SLC9B1: variants seen among roughly 807,000 people sequenced by gnomAD.
SLC9B1 encodes solute carrier family 9 member B1, also known as sodium/hydrogen exchanger 9B1.
SLC9B1 carries 32 observed loss-of-function variants against 51.7 expected under a neutral mutation model. The ratio of observed to expected loss-of-function variants is 0.62; its 90% CI spans 0.47 to 0.83. The LOEUF (loss-of-function observed/expected upper bound fraction) is 0.83. SLC9B1 is among the 40% of genes least tolerant of loss of function. The probability of loss-of-function intolerance (pLI) is 0.00; values close to 1 mark genes in which losing one functional copy is unlikely to be tolerated. For synonymous variants in SLC9B1, 145 were observed against 212.7 expected (o/e 0.68, Z 2.77); for missense variants, 406 against 613.2 (o/e 0.66, Z 3.57).
At chr4:102,924,878 T>C (rs1234447589) in intron 7 of SLC9B1, among the ~76,000 whole-genome samples, 1 of 152,144 alleles carries the variant, frequency 6.6e-6, no homozygotes, top group Non-Finnish European at 1.5e-5. Flanking sequence ...CCAATTAGAA[T>C]GGTGATCATT....
At chr4:102,985,471 A>G (rs1252696080) in intron 3 of SLC9B1, among the ~76,000 whole-genome samples, 1 of 151,850 alleles carries the variant, frequency 6.6e-6, no homozygotes, top group South Asian at 2.1e-4. Context: ...CTTCTTTATA[A>G]ATTTTTGTAA....
chr4:102,982,876 T>C (rs1429374006), intron 3 of SLC9B1, among the ~76,000 whole-genome samples: 2 of 152,152 alleles, frequency 1.3e-5, no homozygotes, highest in African/African-American at 2.4e-5. Context: ...ACCTTTTATT[T>C]ACTTTCCTTG....
intron 5 of SLC9B1, among the ~76,000 whole-genome samples, chr4:102,945,728 A>G (rs1478743819): frequency 1.3e-5 from 2 of 152,064 alleles, no homozygotes; most frequent in Non-Finnish European, 2.9e-5. Flanking sequence ...TAACTTAAAA[A>G]CTGCATAATT....
chr4:102,960,696 A>G (rs1738060396), intron 3 of SLC9B1, among the ~76,000 whole-genome samples: 4 of 152,042 alleles, frequency 2.6e-5, no homozygotes, highest in Non-Finnish European at 5.9e-5. Context: ...AGTTCTACTA[A>G]TAAGAAATTT....
intron 3 of SLC9B1, among the ~76,000 whole-genome samples, chr4:102,975,590 T>TTTTTC (rs1739027274): frequency 8.7e-6 from 1 of 114,552 alleles, no homozygotes; most frequent in African/African-American, 3.6e-5. Flanking sequence ...ATATATATTT[T>TTTTTC]TTTTTTTTTT....
intron 8 of SLC9B1, 85 bp downstream of exon 8, chr4:102,911,346 T>G: frequency 1.1e-6 from 1 of 894,874 alleles, no homozygotes; most frequent in South Asian, 1.7e-5. Flanking sequence ...GAATTAAGTA[T>G]TAAATTTCAT....
At chr4:102,918,854 G>C (rs1735718962) in intron 7 of SLC9B1, among the ~76,000 whole-genome samples, 1 of 152,144 alleles carries the variant, frequency 6.6e-6, no homozygotes, top group Non-Finnish European at 1.5e-5. Context: ...TATAGCAGCA[G>C]GAATGGACTA....
At position 102,989,841 on chromosome 4, in the gene SLC9B1, G is replaced by T. The variant is rs1294264954; in HGVS notation, c.170C>A (p.Ser57Tyr). 3.7e-6 allele frequency: 6 copies of T among 1,600,872 alleles called. No homozygotes were observed. The African/African-American group carries it at 8.1e-5, about 21-fold the overall frequency. ...KPQTKKETYI[S>Y]CPLRGVLNVI... ...ATTCAATACTCCTCTTAGAGGACAAGAAATGTATGTCTCCTTTTTTGTCTG... is the reference window on the plus strand; with the variant it reads ...ATTCAATACTCCTCTTAGAGGACAATAAATGTATGTCTCCTTTTTTGTCTG... The change falls in exon 3 of 12, where the codon TCT becomes TAT. Residue 57 changes from serine (S) to tyrosine (Y), a missense_variant. Ser to Tyr is a moderately radical substitution (Grantham distance 144). This residue lies in a region of SLC9B1 where 108 missense variants were observed against 94.5 expected (regional missense o/e 1.14). Coordinates refer to ENST00000296422, the MANE Select transcript of SLC9B1 (RefSeq NM_139173.4).
chr4:102,988,082 A>C (rs925525951), intron 3 of SLC9B1, among the ~76,000 whole-genome samples: 6 of 152,198 alleles, frequency 3.9e-5, no homozygotes, highest in Non-Finnish European at 7.4e-5. Flanking sequence ...ATAAAATTTT[A>C]ATGGAGAAGT....
At position 102,901,084 on chromosome 4, in the gene SLC9B1, A is replaced by C. The variant is rs755350057; in HGVS notation, c.*33T>G. On this transcript the variant is annotated 3_prime_UTR_variant, in exon 12 of 12. Coordinates refer to ENST00000296422, the MANE Select transcript of SLC9B1 (RefSeq NM_139173.4). Reference sequence around the variant, plus strand: ...TTCTGTCATGTGAAATAATTCATTAAAAGAAGCAGGCAGATGATGACAGGT... The same window carrying C: ...TTCTGTCATGTGAAATAATTCATTACAAGAAGCAGGCAGATGATGACAGGT... The C allele has an allele frequency of 3.1e-6, 5 of 1,609,092 alleles. No individual in the cohort carries two copies. The South Asian group carries it at 5.5e-5, about 18-fold the overall frequency.
intron 1 of SLC9B1, among the ~76,000 whole-genome samples, chr4:103,016,359 G>T (rs187026164): frequency 1.4e-4 from 22 of 151,810 alleles, no homozygotes; most frequent in Non-Finnish European, 2.6e-4. Flanking sequence ...ACCCTTCTTT[G>T]ACCATACATA....
At chr4:102,890,536 A>C (rs1231403400) in intron 11 of SLC9B1, 1 of 152,122 alleles carries the variant, frequency 6.6e-6, no homozygotes, top group Non-Finnish European at 1.5e-5. Flanking sequence ...CTTGTACTTT[A>C]TTCAGAAATG....
At chr4:102,921,165 G>A (rs1320119529) in intron 7 of SLC9B1, among the ~76,000 whole-genome samples, 2 of 152,160 alleles carry the variant, frequency 1.3e-5, no homozygotes, top group Non-Finnish European at 2.9e-5. Context: ...CAGAGAGAAA[G>A]GTCAGGTTAG....
At chr4:102,968,956 T>G (rs1487019253) in intron 3 of SLC9B1, among the ~76,000 whole-genome samples, 1 of 152,160 alleles carries the variant, frequency 6.6e-6, no homozygotes, top group African/African-American at 2.4e-5. Flanking sequence ...GAGATGGAAT[T>G]GCAAGGTGGT....
chr4:102,962,376 T>G lies in SLC9B1; in HGVS notation c.212-12949A>C, dbSNP rs1176069434. On this transcript the variant is annotated intron_variant, in intron 3 of 11. Coordinates refer to ENST00000296422, the MANE Select transcript of SLC9B1 (RefSeq NM_139173.4). ...AAAGGTTCATGGAGCAAGTGGTTTT[T>G]AAATATCTTTGAGCAGAATCTGAGG... The G allele has an allele frequency of 7.4e-6, 4 of 538,408 alleles. No homozygotes were observed. The East Asian group carries it at 2.1e-4, about 28-fold the overall frequency. The allele number at this position is 538,408 out of a possible 1,614,324, so 33.4% of individuals were successfully genotyped here. A position where few individuals can be genotyped will look rare whatever the true frequency, so the allele number is the denominator to read the frequency against.
intron 3 of SLC9B1, among the ~76,000 whole-genome samples, chr4:102,971,530 A>C (rs1271165485): frequency 6.6e-6 from 1 of 152,234 alleles, no homozygotes; most frequent in East Asian, 1.9e-4. Context: ...ACCACAAGAG[A>C]AAACAGGAAA....
chr4:102,893,302 A>AAAAAAAAAAG (rs1734362514), intron 11 of SLC9B1, among the ~76,000 whole-genome samples: 1 of 147,944 alleles, frequency 6.8e-6, no homozygotes, highest in African/African-American at 2.6e-5. Context: ...AAAAAAAAAA[A>AAAAAAAAAAG]AAAGAAAAAG....
chr4:102,942,789 C>T (rs1360410938), intron 6 of SLC9B1, among the ~76,000 whole-genome samples: 1 of 152,092 alleles, frequency 6.6e-6, no homozygotes, highest in Non-Finnish European at 1.5e-5. Context: ...TGACCAAGAA[C>T]CCAAGAGCAA....
chr4:102,902,547 C>G (rs1734838344), intron 11 of SLC9B1, among the ~76,000 whole-genome samples: 1 of 151,858 alleles, frequency 6.6e-6, no homozygotes, highest in Admixed American at 6.6e-5. Flanking sequence ...AAACAAAAAC[C>G]AAACCCATTG....
Sources: gnomAD v4.1 joint callset for allele counts (sites outside exome capture counted in the v4.1 genomes callset) on GRCh38, gnomAD v4.1.1 for gene constraint, gnomAD v4.1.1 regional missense constraint, MANE v1.5 for transcripts, NCBI Gene and HGNC (gene_info 2026-07-23, HGNC 2026-07-21) for gene names.